TBC1D5: variants seen among roughly 807,000 people sequenced by gnomAD.
TBC1D5 encodes TBC1 domain family member 5, also known as TBC1 domain family, member 5.
TBC1D5 carries 75 observed loss-of-function variants against 100.3 expected under a neutral mutation model. The observed-to-expected ratio is 0.75, with a 90% CI of 0.62 to 0.91. The LOEUF (loss-of-function observed/expected upper bound fraction) is 0.91, where lower values mean the gene tolerates loss of function less well. Among genes scored for constraint, TBC1D5 ranks in the 40% least tolerant of loss-of-function variants. TBC1D5 has a pLI of 0.00. For missense variants in TBC1D5, 910 were observed against 942.4 expected (o/e 0.97, Z 0.45); for synonymous variants, 323 against 325.6 (o/e 0.99, Z 0.09).
At chr3:17,667,339 A>G (rs1157691049) in intron 1 of TBC1D5, among the ~76,000 whole-genome samples, 2 of 152,218 alleles carry the variant, frequency 1.3e-5, no homozygotes, top group East Asian at 3.8e-4. Context: ...AAAGAGCTAA[A>G]GGACTCACTT....
chr3:17,690,204 A>ATTTTTT lies in TBC1D5; in HGVS notation c.-101+49133_-101+49138dup, dbSNP rs1199260338. On this transcript the variant is annotated intron_variant, in intron 1 of 21. Coordinates refer to ENST00000253692, the Ensembl canonical transcript of TBC1D5. ...AGAACTGAAGCATAAAAATAGCCAT[A>ATTTTTT]TTTTTTTTTTTTTTTTTTTTTTTTT... Among the ~76,000 whole-genome samples the ATTTTTT allele has an allele frequency of 2.3e-4, 11 of 47,054 alleles. 1 individual carries two copies. Among genetic ancestry groups the ATTTTTT allele is most frequent in the African/African-American group, 6.4e-4 (9 of 14,102 alleles). The allele number at this position is 47,054 out of a possible 152,430, so 30.9% of individuals were successfully genotyped here.
chr3:17,359,528 G>A (rs1399096253), intron 13 of TBC1D5, among the ~76,000 whole-genome samples: 1 of 151,964 alleles, frequency 6.6e-6, no homozygotes, highest in Non-Finnish European at 1.5e-5. Context: ...TATCTTAAAA[G>A]CTAGTCAGGA....
At chr3:17,248,970 C>T (rs2149258252) in intron 16 of TBC1D5, among the ~76,000 whole-genome samples, 1 of 152,312 alleles carries the variant, frequency 6.6e-6, no homozygotes, top group East Asian at 1.9e-4. Flanking sequence ...GAGACAACTT[C>T]TTCCCTTAAA....
intron 1 of TBC1D5, among the ~76,000 whole-genome samples, chr3:17,718,711 A>G (rs973067536): frequency 1.3e-5 from 2 of 152,178 alleles, no homozygotes; most frequent in Non-Finnish European, 2.9e-5. Context: ...CAGAACTTTC[A>G]TCATTCCAAA....
Position 17,328,943 on chromosome 3 carries a change from T to C in TBC1D5, c.996-20809A>G, listed in dbSNP as rs551604982. On this transcript the variant is annotated intron_variant, in intron 13 of 21. Transcript: ENST00000253692. ...ATTATTAAGCTAAGGGATGAGGAAA[T>C]AGTTTTAAAAAGGAAATGTTTGGTG... is the stretch of plus-strand genomic sequence containing the variant. Among the ~76,000 whole-genome samples the C allele has an allele frequency of 2.8e-4, 43 of 152,236 alleles. No individual in the cohort carries two copies. In the South Asian group the frequency reaches 8.9e-3, roughly 32 times the overall value.
chr3:17,300,109 T>C (rs2082679620), intron 14 of TBC1D5, among the ~76,000 whole-genome samples: 1 of 152,098 alleles, frequency 6.6e-6, no homozygotes, highest in South Asian at 2.1e-4. Flanking sequence ...TAGTGAAACA[T>C]GAGGAGACTG....
intron 2 of TBC1D5, among the ~76,000 whole-genome samples, chr3:17,549,785 G>T (rs1242741725): frequency 6.6e-6 from 1 of 151,952 alleles, no homozygotes; most frequent in Non-Finnish European, 1.5e-5. Flanking sequence ...ACAAAAATTA[G>T]CTGGGTGTGT....
At chr3:17,640,265 T>TA (rs1027606534) in intron 1 of TBC1D5, among the ~76,000 whole-genome samples, 20 of 152,004 alleles carry the variant, frequency 1.3e-4, no homozygotes, top group East Asian at 5.8e-4. Context: ...TCTTTTTATT[T>TA]AAAAAAAATC....
At chr3:17,642,073 G>A (rs755871890) in intron 1 of TBC1D5, among the ~76,000 whole-genome samples, 11 of 152,086 alleles carry the variant, frequency 7.2e-5, no homozygotes, top group Non-Finnish European at 1.2e-4. Context: ...TTTATGCTAT[G>A]AAAATCCTAT....
At chr3:17,320,698 C>T (rs1314908022) in intron 13 of TBC1D5, among the ~76,000 whole-genome samples, 1 of 152,050 alleles carries the variant, frequency 6.6e-6, no homozygotes, top group Non-Finnish European at 1.5e-5. Context: ...CATTTTGGTG[C>T]AAAACAGAGA....
intron 1 of TBC1D5, among the ~76,000 whole-genome samples, chr3:17,671,915 C>T (rs764771307): frequency 7.2e-5 from 11 of 152,198 alleles, no homozygotes; most frequent in Non-Finnish European, 1.0e-4. Flanking sequence ...CTTTCTGAAA[C>T]TACTGACATT....
At chr3:17,667,569 A>C (rs1251654550) in intron 1 of TBC1D5, among the ~76,000 whole-genome samples, 1 of 151,896 alleles carries the variant, frequency 6.6e-6, no homozygotes, top group Non-Finnish European at 1.5e-5. Context: ...CTCCAACCTC[A>C]GTCTTCCAAG....
intron 1 of TBC1D5, among the ~76,000 whole-genome samples, chr3:17,687,410 G>C (rs1470482337): frequency 6.6e-6 from 1 of 152,066 alleles, no homozygotes; most frequent in African/African-American, 2.4e-5. Flanking sequence ...TTATCATATA[G>C]AGGCTTTAAA....
chr3:17,443,501 T>A (rs1324157355), intron 3 of TBC1D5, among the ~76,000 whole-genome samples: 3 of 152,218 alleles, frequency 2.0e-5, no homozygotes, highest in African/African-American at 4.8e-5. Context: ...GTTTCCTTTT[T>A]CCTTTAAAAT....
At chr3:17,434,360 C>T (rs372344578) in intron 3 of TBC1D5, among the ~76,000 whole-genome samples, 1 of 152,212 alleles carries the variant, frequency 6.6e-6, no homozygotes, top group African/African-American at 2.4e-5. Flanking sequence ...GATTCCCAAA[C>T]ATCAATTCTT....
intron 2 of TBC1D5, among the ~76,000 whole-genome samples, chr3:17,612,771 A>G (rs1368767763): frequency 1.3e-5 from 2 of 152,150 alleles, no homozygotes; most frequent in Admixed American, 1.3e-4. Flanking sequence ...ATAAAACTCA[A>G]TAAACAAAAG....
chr3:17,708,959 A>C (rs182137110), intron 1 of TBC1D5, among the ~76,000 whole-genome samples: 20 of 152,352 alleles, frequency 1.3e-4, no homozygotes, highest in Admixed American at 1.0e-3. Flanking sequence ...AAGCAATTAT[A>C]AGATAAAAAC....
intron 2 of TBC1D5, among the ~76,000 whole-genome samples, chr3:17,610,246 G>A (rs1055786011): frequency 3.3e-5 from 5 of 152,066 alleles, no homozygotes; most frequent in East Asian, 1.9e-4. Flanking sequence ...GAGCAGTGGC[G>A]TGATTATGGT....
At chr3:17,649,171 T>A (rs2065294993) in intron 1 of TBC1D5, among the ~76,000 whole-genome samples, 2 of 152,160 alleles carry the variant, frequency 1.3e-5, no homozygotes. Context: ...AGATCATGTC[T>A]TTTGTGGGAA....
Sources: allele counts gnomAD v4.1 joint callset (sites outside exome capture counted in the v4.1 genomes callset), GRCh38; gene constraint gnomAD v4.1.1; transcripts MANE v1.5; gene names NCBI Gene and HGNC (gene_info 2026-07-23, HGNC 2026-07-21).